The following CLVS1 variants were observed in gnomAD, a reference collection of about 807,000 sequenced individuals.
CLVS1 encodes clavesin 1, also known as clavesin-1.
In CLVS1, 10 loss-of-function variants were observed where a neutral mutation model predicts 33.1. The ratio of observed to expected loss-of-function variants is 0.30; its 90% CI spans 0.19 to 0.51. CLVS1 has a LOEUF of 0.51. CLVS1 is among the 20% of genes least tolerant of loss of function. The pLI is 0.97. For missense variants in CLVS1, 343 were observed against 433.4 expected (o/e 0.79, Z 1.85); for synonymous variants, 163 against 166.1 (o/e 0.98, Z 0.14).
upstream of CLVS1, among the ~76,000 whole-genome samples, chr8:61,054,029 T>G (rs1166489819): frequency 2.6e-5 from 4 of 152,196 alleles, no homozygotes; most frequent in Admixed American, 2.0e-4. Context: ...CAATCTCCTC[T>G]CTCTTTCATC....
At chr8:61,355,401 A>G (rs1477382780) in intron 2 of CLVS1, among the ~76,000 whole-genome samples, 1 of 151,916 alleles carries the variant, frequency 6.6e-6, no homozygotes, top group African/African-American at 2.4e-5. Context: ...GTTTTTTACT[A>G]TGGTCTTTTT....
At chr8:61,252,155 T>C (rs1808963180) in intron 2 of CLVS1, among the ~76,000 whole-genome samples, 1 of 152,248 alleles carries the variant, frequency 6.6e-6, no homozygotes, top group South Asian at 2.1e-4. Flanking sequence ...TCTTTATTTC[T>C]GCCTTCATTT....
At chr8:61,170,555 T>C (rs965521969) in intron 2 of CLVS1, among the ~76,000 whole-genome samples, 1 of 152,196 alleles carries the variant, frequency 6.6e-6, no homozygotes, top group African/African-American at 2.4e-5. Flanking sequence ...ACGTGGCCCT[T>C]AAAATTTTGA....
At chr8:61,467,371 C>T (rs965049186) in intron 5 of CLVS1, among the ~76,000 whole-genome samples, 1 of 152,136 alleles carries the variant, frequency 6.6e-6, no homozygotes, top group Non-Finnish European at 1.5e-5. Context: ...CGGCTATTAA[C>T]AATGGACCTG....
Position 61,057,478 on chromosome 8 carries a change from T to A in CLVS1, c.-243+248T>A, listed in dbSNP as rs535327987. On this transcript the variant is annotated intron_variant, in intron 1 of 2. Transcript: ENST00000522621. ...TTTGTACTCTCTGTTTCTTAGGCCA[T>A]GCCTGAGTACATGTTGGAGGAAGAT... 6.6e-5 allele frequency among the ~76,000 whole-genome samples: 10 copies of A among 152,168 alleles called. No individual in the cohort carries two copies. The South Asian group carries it at 1.7e-3, about 25-fold the overall frequency.
chr8:61,275,289 T>G (rs1809539736), intron 2 of CLVS1, among the ~76,000 whole-genome samples: 1 of 152,204 alleles, frequency 6.6e-6, no homozygotes, highest in Non-Finnish European at 1.5e-5. Context: ...CATTTATGAA[T>G]TTATGCTACC....
chr8:61,245,991 C>T (rs548718358), intron 2 of CLVS1, among the ~76,000 whole-genome samples: 9 of 151,816 alleles, frequency 5.9e-5, no homozygotes, highest in African/African-American at 2.2e-4. Flanking sequence ...AGACTGGTCT[C>T]GAACTCCTGA....
chr8:61,465,301 A>G (rs990892960), intron 5 of CLVS1: 4 of 152,064 alleles, frequency 2.6e-5, no homozygotes, highest in African/African-American at 9.7e-5. Flanking sequence ...TTGGGACCCA[A>G]TCACTTTTCG....
At chr8:61,356,837 T>A (rs1812731248) in intron 2 of CLVS1, among the ~76,000 whole-genome samples, 1 of 152,330 alleles carries the variant, frequency 6.6e-6, no homozygotes, top group East Asian at 1.9e-4. Flanking sequence ...TAGTTTGAAG[T>A]CAGGTAGCGT....
chr8:61,305,172 C>T (rs1810575877), intron 2 of CLVS1, among the ~76,000 whole-genome samples: 1 of 151,916 alleles, frequency 6.6e-6, no homozygotes, highest in South Asian at 2.1e-4. Context: ...CAGGCAAATA[C>T]CTAGGATACT....
At chr8:61,284,997 A>G (rs1490142152), upstream of CLVS1, among the ~76,000 whole-genome samples, 1 of 152,180 alleles carries the variant, frequency 6.6e-6, no homozygotes. Context: ...TGGTGTGGCT[A>G]CTGGAATAGG....
At chr8:61,158,838 T>C (rs574251765) in intron 2 of CLVS1, among the ~76,000 whole-genome samples, 35 of 152,214 alleles carry the variant, frequency 2.3e-4, no homozygotes, top group Non-Finnish European at 4.0e-4. Context: ...GTAGATCTTT[T>C]AAATTTTTAA....
the CLVS1 span, among the ~76,000 whole-genome samples, chr8:61,032,917 T>C: frequency 4.1e-5 from 6 of 146,740 alleles, no homozygotes; most frequent in Non-Finnish European, 8.9e-5. Context: ...GACCAGGAGT[T>C]TGAGACCAGC....
intron 2 of CLVS1, among the ~76,000 whole-genome samples, chr8:61,152,263 A>G (rs1323095417): frequency 6.6e-6 from 1 of 152,078 alleles, no homozygotes; most frequent in Admixed American, 6.5e-5. Flanking sequence ...GCAGAGGGAG[A>G]GCACAAGATT....
In CLVS1 at chr8:61,369,438, T is replaced by C. The variant is rs1339705674; in HGVS notation, c.456-7167T>C. Among the ~76,000 whole-genome samples, 3 of 152,134 alleles carry C rather than the reference T, an allele frequency of 2.0e-5. No individual in the cohort carries two copies. In the East Asian group the frequency reaches 5.8e-4, roughly 29 times the overall value. ...TTATTACAAACCATTTAAGAGAGTG[T>C]CTCACGTGAATTCCCATTTTAGACA... On this transcript the variant is annotated intron_variant, in intron 2 of 5. Transcript: ENST00000325897.
intron 5 of CLVS1, among the ~76,000 whole-genome samples, chr8:61,491,331 A>T (rs1276783455): frequency 6.6e-6 from 1 of 152,316 alleles, no homozygotes; most frequent in East Asian, 1.9e-4. Context: ...CTGGCACAGC[A>T]AGTTAGTGAC....
At chr8:61,160,052 A>G (rs1476469485) in intron 2 of CLVS1, among the ~76,000 whole-genome samples, 1 of 152,164 alleles carries the variant, frequency 6.6e-6, no homozygotes, top group African/African-American at 2.4e-5. Flanking sequence ...TGCTCACTGT[A>G]AGTGGAGCTG....
chr8:61,439,395 T>C (rs1230831742), intron 3 of CLVS1, among the ~76,000 whole-genome samples: 1 of 152,212 alleles, frequency 6.6e-6, no homozygotes, highest in Non-Finnish European at 1.5e-5. Flanking sequence ...AAGTTGGAAG[T>C]GATTTTTATG....
In CLVS1 at chr8:61,287,999, GA is replaced by G; in HGVS notation, c.-290del. 1 of 416,766 alleles carries G rather than the reference GA, an allele frequency of 2.4e-6. No homozygotes were observed. The highest frequency in any genetic ancestry group is 2.0e-5 in the African/African-American group (1 of 49,378). The allele number at this position is 416,766 out of a possible 1,614,324, so 25.8% of individuals were successfully genotyped here. A position where few individuals can be genotyped will look rare whatever the true frequency, so the allele number is the denominator to read the frequency against. ...CCTACCAAAATCACAGCCCCTTGTGGAGCCCGAGCTCTCATTCACAGCTTTC... is the reference window on the plus strand; with the variant it reads ...CCTACCAAAATCACAGCCCCTTGTGGGCCCGAGCTCTCATTCACAGCTTTC... On this transcript the variant is annotated 5_prime_UTR_variant, in exon 1 of 6. Coordinates refer to ENST00000325897, the MANE Select transcript of CLVS1 (RefSeq NM_173519.3).
Sources: gnomAD v4.1 joint callset for allele counts (sites outside exome capture counted in the v4.1 genomes callset) on GRCh38, gnomAD v4.1.1 for gene constraint, MANE v1.5 for transcripts, NCBI Gene and HGNC (gene_info 2026-07-23, HGNC 2026-07-21) for gene names.